Variants in EDARADD observed in about 807,000 individuals in gnomAD.
EDARADD encodes the protein EDAR associated via death domain, also known as ectodysplasin-A receptor-associated adapter protein.
EDARADD carries 20 observed loss-of-function variants against 25.6 expected under a neutral mutation model. That is an observed-to-expected ratio of 0.78 (90% CI 0.55 to 1.14). The LOEUF (loss-of-function observed/expected upper bound fraction) is 1.14, where lower values mean the gene tolerates loss of function less well. EDARADD is among the 50% of genes most tolerant of loss of function. The pLI is 0.00. For missense variants in EDARADD, 225 were observed against 270.1 expected (o/e 0.83, Z 1.17); for synonymous variants, 86 against 94.4 (o/e 0.91, Z 0.52).
chr1:236,356,934 A>C (rs889915673), intron 3 of EDARADD, among the ~76,000 whole-genome samples: 1 of 151,954 alleles, frequency 6.6e-6, no homozygotes, highest in African/African-American at 2.4e-5. Context: ...AAATACAAAA[A>C]TTAGCCGGGC....
upstream of EDARADD, among the ~76,000 whole-genome samples, chr1:236,390,553 AG>A (rs1285092375): frequency 6.6e-6 from 1 of 152,214 alleles, no homozygotes; most frequent in Non-Finnish European, 1.5e-5. Context: ...ACTCCGTCTC[AG>A]AAAAAAAAAG....
intron 3 of EDARADD, among the ~76,000 whole-genome samples, chr1:236,359,104 T>A (rs1667015858): frequency 6.6e-6 from 1 of 152,128 alleles, no homozygotes; most frequent in Non-Finnish European, 1.5e-5. Context: ...AGAGGTAAAC[T>A]TGATCTTCAA....
intron 3 of EDARADD, among the ~76,000 whole-genome samples, chr1:236,369,825 G>A (rs186408693): frequency 3.8e-4 from 57 of 151,236 alleles, no homozygotes; most frequent in Admixed American, 5.9e-4. Context: ...CAACAAGAGC[G>A]AAACTCTGTC....
At chr1:236,390,275 G>A (rs1667405891), upstream of EDARADD, among the ~76,000 whole-genome samples, 1 of 152,172 alleles carries the variant, frequency 6.6e-6, no homozygotes, top group East Asian at 1.9e-4. Context: ...CTTACTCATG[G>A]CCGGGCGTGG....
At chr1:236,411,703 C>A (rs143538629) in intron 2 of EDARADD, among the ~76,000 whole-genome samples, 1 of 152,058 alleles carries the variant, frequency 6.6e-6, no homozygotes, top group African/African-American at 2.4e-5. Flanking sequence ...TGCCCACCAA[C>A]GGGCCTGGCT....
At chr1:236,406,515 C>T (rs1667742049) in intron 1 of EDARADD, among the ~76,000 whole-genome samples, 2 of 152,164 alleles carry the variant, frequency 1.3e-5, no homozygotes, top group Non-Finnish European at 2.9e-5. Context: ...TACACACCTG[C>T]CCAGCATGGG....
At chr1:236,369,284 G>T (rs1053404431) in intron 3 of EDARADD, among the ~76,000 whole-genome samples, 1 of 152,172 alleles carries the variant, frequency 6.6e-6, no homozygotes, top group Non-Finnish European at 1.5e-5. Context: ...TATAGATCCA[G>T]GTGGGAAGAA....
chr1:236,393,489 A>G (rs7555630), upstream of EDARADD, among the ~76,000 whole-genome samples: 129,354 of 149,466 alleles, frequency 0.87, 56,020 homozygotes, highest in Middle Eastern at 0.94. Context: ...TCCACCTCCC[A>G]GGTTCAAGCG....
upstream of EDARADD, among the ~76,000 whole-genome samples, chr1:236,393,865 C>T (rs1324630990): frequency 6.6e-6 from 1 of 151,846 alleles, no homozygotes; most frequent in Non-Finnish European, 1.5e-5. Context: ...CACCCATTTG[C>T]GTCATACTTT....
At chr1:236,476,503 TAGTG>T (rs1231780613) in intron 5 of EDARADD, among the ~76,000 whole-genome samples, 1 of 151,316 alleles carries the variant, frequency 6.6e-6, no homozygotes, top group Non-Finnish European at 1.5e-5. Flanking sequence ...CTGGGGAACA[TAGTG>T]AGACCCCTGT....
At chr1:236,394,635 A>G (rs1667482544) in intron 1 of EDARADD, 130 bp downstream of exon 1, 2 of 695,330 alleles carry the variant, frequency 2.9e-6, no homozygotes, top group Non-Finnish European at 4.6e-6. Context: ...CCCGACTTTT[A>G]TCTTTCTGTT....
At chr1:236,447,170 CTCTTTCTTTCTTTCTTTCTTTCTT>C (rs1240943288) in intron 4 of EDARADD, among the ~76,000 whole-genome samples, 7 of 93,624 alleles carry the variant, frequency 7.5e-5, no homozygotes, top group Admixed American at 4.3e-4. Flanking sequence ...CCCTCCCTCC[CTCTTTCTTTCTTTCTTTCTTTCTT>C]TCTTTCTTTC....
At chr1:236,458,294 T>C (rs923903665) in intron 4 of EDARADD, among the ~76,000 whole-genome samples, 1 of 152,216 alleles carries the variant, frequency 6.6e-6, no homozygotes, top group African/African-American at 2.4e-5. Flanking sequence ...GAATAAATTA[T>C]GGTGCATCAG....
Position 236,483,695 on chromosome 1 carries a change from C to A in EDARADD, c.*1046C>A, listed in dbSNP as rs1659749489. On this transcript the variant is annotated 3_prime_UTR_variant, in exon 6 of 6. Transcript: ENST00000334232. ...TGGTCCTCCCAGTCGGTGCAGCAAA[C>A]TTCAGGGAAGCCATGCCCATTGGAG... 1.3e-6 allele frequency: 2 copies of A among 1,569,984 alleles called. No individual in the cohort carries two copies. The highest frequency in any genetic ancestry group is 1.8e-6 in the Non-Finnish European group (2 of 1,141,602).
intron 3 of EDARADD, among the ~76,000 whole-genome samples, chr1:236,369,886 C>G (rs1037350161): frequency 1.3e-5 from 2 of 152,036 alleles, no homozygotes; most frequent in African/African-American, 4.8e-5. Flanking sequence ...TTTCAACTAT[C>G]CTTGATGTTA....
At chr1:236,388,009 T>TAA (rs538041427) in intron 3 of EDARADD, among the ~76,000 whole-genome samples, 543 of 26,566 alleles carry the variant, frequency 0.02, 233 homozygotes, top group African/African-American at 0.054. Flanking sequence ...AAAAATAAAT[T>TAA]AAAAAAAAAA....
intron 1 of EDARADD, among the ~76,000 whole-genome samples, chr1:236,400,143 G>T (rs138206374): frequency 6.6e-6 from 1 of 152,134 alleles, no homozygotes; most frequent in Non-Finnish European, 1.5e-5. Context: ...TCTCCTCCAC[G>T]TGGGTTTTCC....
chr1:236,479,774 A>G (rs994018018), intron 5 of EDARADD, among the ~76,000 whole-genome samples: 3 of 151,666 alleles, frequency 2.0e-5, no homozygotes, highest in Non-Finnish European at 2.9e-5. Flanking sequence ...GGCTGGGCAC[A>G]GTGGCTTCTG....
chr1:236,389,770 G>A (rs903744382), upstream of EDARADD, among the ~76,000 whole-genome samples: 5 of 152,168 alleles, frequency 3.3e-5, no homozygotes, highest in Admixed American at 1.3e-4. Flanking sequence ...TAGAGGCCAA[G>A]GCAGGTGGAT....
Sources: gnomAD v4.1 joint callset for allele counts (sites outside exome capture counted in the v4.1 genomes callset) on GRCh38, gnomAD v4.1.1 for gene constraint, MANE v1.5 for transcripts, NCBI Gene and HGNC (gene_info 2026-07-23, HGNC 2026-07-21) for gene names.